Variants in CAPN2 observed in about 807,000 individuals in gnomAD.
CAPN2 encodes calpain 2, also known as calpain-2 catalytic subunit.
CAPN2 carries 92 observed loss-of-function variants against 102.3 expected under a neutral mutation model. That is an observed-to-expected ratio of 0.90 (90% CI 0.76 to 1.07). The LOEUF is 1.07. Ranked by LOEUF, CAPN2 falls within the 50% of genes least tolerant of loss-of-function variation. CAPN2 has a pLI of 0.00. For missense variants in CAPN2, 800 were observed against 909.4 expected, an observed-to-expected ratio of 0.88 and a Z score of 1.55; for synonymous variants, 340 against 355.4, an observed-to-expected ratio of 0.96 and a Z score of 0.49.
chr1:223,713,526 C>T (rs889690115), intron 1 of CAPN2, among the ~76,000 whole-genome samples: 2 of 152,220 alleles, frequency 1.3e-5, no homozygotes, highest in Non-Finnish European at 1.5e-5. Context: ...TCCAGACCCC[C>T]TTATCCCGTC....
At chr1:223,716,954 T>C (rs938466222) in intron 1 of CAPN2, among the ~76,000 whole-genome samples, 3 of 152,108 alleles carry the variant, frequency 2.0e-5, no homozygotes, top group Non-Finnish European at 4.4e-5. Flanking sequence ...CCAATGCCAG[T>C]GCTGTCTATT....
At chr1:223,711,714 G>A (rs905061957), upstream of CAPN2, among the ~76,000 whole-genome samples, 1 of 152,172 alleles carries the variant, frequency 6.6e-6, no homozygotes, top group Non-Finnish European at 1.5e-5. Flanking sequence ...GGGTTCAAGC[G>A]TTTCTCCTGT....
At chr1:223,707,935 C>T (rs910716814), upstream of CAPN2, among the ~76,000 whole-genome samples, 8 of 152,228 alleles carry the variant, frequency 5.3e-5, no homozygotes, top group African/African-American at 1.4e-4. Flanking sequence ...GAGAAGCCTG[C>T]GCTCTGCCCC....
intron 1 of CAPN2, among the ~76,000 whole-genome samples, chr1:223,706,703 T>A (rs144240965): frequency 6.6e-6 from 1 of 152,050 alleles, no homozygotes; most frequent in Admixed American, 6.6e-5. Flanking sequence ...TGCACAAATA[T>A]GTGTAAAGTG....
chr1:223,724,705 C>T (rs1352295769), intron 2 of CAPN2, among the ~76,000 whole-genome samples: 1 of 152,158 alleles, frequency 6.6e-6, no homozygotes, highest in Non-Finnish European at 1.5e-5. Context: ...CATGGTGGCC[C>T]ATGCCTGTAA....
intron 2 of CAPN2, among the ~76,000 whole-genome samples, chr1:223,732,787 G>A (rs1322248325): frequency 6.6e-6 from 1 of 152,114 alleles, no homozygotes; most frequent in African/African-American, 2.4e-5. Context: ...TTCTTCTACA[G>A]GTGGGGACGT....
At chr1:223,705,689 T>C (rs1659587593) in intron 1 of CAPN2, among the ~76,000 whole-genome samples, 1 of 152,142 alleles carries the variant, frequency 6.6e-6, no homozygotes, top group African/African-American at 2.4e-5. Context: ...TCACTTCCCA[T>C]GGAGTGGAGA....
chr1:223,734,600 G>A (rs1388878926), intron 2 of CAPN2, among the ~76,000 whole-genome samples: 7 of 151,954 alleles, frequency 4.6e-5, no homozygotes, highest in African/African-American at 1.5e-4. Flanking sequence ...CTGACCCCCG[G>A]CCACAACCCT....
Position 223,712,691 on chromosome 1 carries a change from G to A in CAPN2, c.51G>A (p.Gly17=), listed in dbSNP as rs944284153. The A allele has an allele frequency of 6.4e-7, 1 of 1,569,640 alleles. No individual in the cohort carries two copies. Among genetic ancestry groups the A allele is most frequent in the South Asian group, 1.2e-5 (1 of 84,750 alleles). ...KLAKDREAAE[G]LGSHDRAIKY... is the part of the protein sequence containing the mutation. ...CGAAGGACCGGGAGGCGGCCGAGGG[G>A]CTGGGCTCCCACGACAGGGCCATCA... Residue 17 remains glycine, a synonymous_variant, in exon 1 of 21, where the codon GGG becomes GGA. Transcript: ENST00000295006.
At chr1:223,753,452 G>C (rs1039073930) in intron 9 of CAPN2, among the ~76,000 whole-genome samples, 1 of 152,270 alleles carries the variant, frequency 6.6e-6, no homozygotes, top group African/African-American at 2.4e-5. Flanking sequence ...GCGCTGCCCA[G>C]ATGGGGTGAA....
At chr1:223,748,909 C>A in intron 5 of CAPN2, 130 bp from the exon 6 acceptor site, 1 of 793,320 alleles carries the variant, frequency 1.3e-6, no homozygotes, top group East Asian at 2.7e-5. Context: ...CCCTGAGCCT[C>A]CCACCCCAGG....
At chr1:223,728,454 A>G (rs942863311) in intron 2 of CAPN2, among the ~76,000 whole-genome samples, 1 of 151,984 alleles carries the variant, frequency 6.6e-6, no homozygotes, top group African/African-American at 2.4e-5. Flanking sequence ...CATCTTTACG[A>G]CCTAGGCTTG....
rs1212847954 is a variant in CAPN2, at chr1:223,764,168, T to G, written c.1651T>G (p.Phe551Val). 3.1e-6 allele frequency: 5 copies of G among 1,613,856 alleles called. No individual in the cohort carries two copies. Among genetic ancestry groups the G allele is most frequent in the Admixed American group, 3.3e-5 (2 of 60,002 alleles). Reference protein sequence around the residue: ...LAGEDAEISAFELQTILRRVL... With the variant: ...LAGEDAEISAVELQTILRRVL... ...TCCACAGGATGCGGAGATCTCTGCC[T>G]TTGAGCTGCAGACCATCCTGAGAAG... Residue 551 changes from phenylalanine to valine, a missense_variant, in exon 15 of 21, where the codon TTT becomes GTT. By Grantham distance (50) the Phe-to-Val change is conservative. Coordinates refer to ENST00000295006, the MANE Select transcript of CAPN2 (RefSeq NM_001748.5).
chr1:223,769,780 A>G (rs1255160438), intron 16 of CAPN2, 61 bp from the exon 17 acceptor site: 53 of 1,274,410 alleles, frequency 4.2e-5, no homozygotes, highest in South Asian at 8.8e-5. Context: ...TGAGAAGACA[A>G]ACTAGGTGAC....
intron 2 of CAPN2, among the ~76,000 whole-genome samples, chr1:223,729,436 TAA>T (rs1425661928): frequency 6.6e-6 from 1 of 152,196 alleles, no homozygotes; most frequent in African/African-American, 2.4e-5. Context: ...GTGAAATATT[TAA>T]AGAGTTTATT....
Position 223,725,128 on chromosome 1 carries a change from TCCTCATC to T in CAPN2, c.307+7299_307+7305del, listed in dbSNP as rs1176809021. On this transcript the variant is annotated intron_variant, in intron 2 of 20. Coordinates refer to ENST00000295006, the MANE Select transcript of CAPN2 (RefSeq NM_001748.5). The surrounding 1 kb of genome is among the most constrained non-coding windows in gnomAD (Gnocchi z 4.1). ...TCACTATCCTCTTCACACCTCAGTT[TCCTCATC>T]CGTGAAATGAAGATAATAATAGTGC... 1.3e-5 allele frequency among the ~76,000 whole-genome samples: 2 copies of T among 152,208 alleles called. No individual in the cohort carries two copies. Among genetic ancestry groups the T allele is most frequent in the African/African-American group, 4.8e-5 (2 of 41,458 alleles).
intron 2 of CAPN2, among the ~76,000 whole-genome samples, chr1:223,734,575 T>A (rs1660405209): frequency 6.6e-6 from 1 of 151,728 alleles, no homozygotes. Flanking sequence ...CCCCCGCAGC[T>A]CCCCTCCCTC....
At chr1:223,763,775 A>G (rs1025856704) in intron 14 of CAPN2, among the ~76,000 whole-genome samples, 3 of 152,206 alleles carry the variant, frequency 2.0e-5, no homozygotes, top group African/African-American at 7.2e-5. Flanking sequence ...GCATCCGTAC[A>G]TTAAAACACC....
chr1:223,770,187 A>C (rs781053550), intron 17 of CAPN2: 1 of 577,858 alleles, frequency 1.7e-6, no homozygotes, highest in Non-Finnish European at 3.1e-6. Context: ...TTTGACAGCT[A>C]AAGTACAAAA....
Sources: allele counts gnomAD v4.1 joint callset (sites outside exome capture counted in the v4.1 genomes callset), GRCh38; gene constraint gnomAD v4.1.1; non-coding constraint Gnocchi (gnomAD v3.1); transcripts MANE v1.5; gene names NCBI Gene and HGNC (gene_info 2026-07-23, HGNC 2026-07-21).